Variants in CSMD2 observed in about 807,000 individuals in gnomAD.
CSMD2 encodes the protein CUB and Sushi multiple domains 2.
In CSMD2, 130 loss-of-function variants were observed where a neutral mutation model predicts 398.5. The ratio of observed to expected loss-of-function variants is 0.33; its 90% CI spans 0.28 to 0.38. The LOEUF is 0.38. CSMD2 is among the 10% of genes least tolerant of loss of function. The pLI is 1.00. For missense variants in CSMD2, 3,829 were observed against 4,764.9 expected (o/e 0.80, Z 5.78); for synonymous variants, 1,828 against 1,908.5 (o/e 0.96, Z 1.10).
rs57443543 is a variant in CSMD2 at position 33,800,006 on chromosome 1, G to A, written c.1447-7480C>T. Among the ~76,000 whole-genome samples, 273 of 152,350 alleles carry A rather than the reference G, an allele frequency of 1.8e-3. 1 individual carries two copies. The highest frequency in any genetic ancestry group is 6.0e-3 in the African/African-American group (248 of 41,588). ...AGAGTTCAGCATCTTGGCTTGGAAA[G>A]TGTGGGCTTTGCAAGGCCTGCCCCT... On this transcript the variant is annotated intron_variant, in intron 10 of 70. Transcript: ENST00000373381.
chr1:34,041,137 A>G (rs1651791597), intron 2 of CSMD2, among the ~76,000 whole-genome samples: 1 of 151,998 alleles, frequency 6.6e-6, no homozygotes, highest in Non-Finnish European at 1.5e-5. Flanking sequence ...AAATAAATAA[A>G]TGGGCCATTT....
chr1:34,031,469 T>C (rs1471108813), intron 3 of CSMD2, among the ~76,000 whole-genome samples: 1 of 152,138 alleles, frequency 6.6e-6, no homozygotes, highest in Admixed American at 6.5e-5. Context: ...AATAGAGTTA[T>C]GTCAGAAGCC....
chr1:34,001,560 G>A (rs1646903298), intron 3 of CSMD2, among the ~76,000 whole-genome samples: 1 of 152,172 alleles, frequency 6.6e-6, no homozygotes, highest in Non-Finnish European at 1.5e-5. Context: ...GACAACAGGT[G>A]GACATTCACG....
chr1:33,687,368 G>A (rs984511360), intron 25 of CSMD2, among the ~76,000 whole-genome samples: 10 of 152,276 alleles, frequency 6.6e-5, no homozygotes, highest in African/African-American at 2.2e-4. Context: ...CAGAAAATTA[G>A]TTTCCTTGAA....
At chr1:33,928,243 C>A (rs1350269825) in intron 4 of CSMD2, among the ~76,000 whole-genome samples, 1 of 152,184 alleles carries the variant, frequency 6.6e-6, no homozygotes, top group Non-Finnish European at 1.5e-5. Flanking sequence ...TGTGTAATCA[C>A]AGGTAAAGCA....
intron 5 of CSMD2, among the ~76,000 whole-genome samples, chr1:33,880,657 G>A (rs2125172176): frequency 6.6e-6 from 1 of 152,316 alleles, no homozygotes; most frequent in South Asian, 2.1e-4. Context: ...ATGAGTCCAA[G>A]AGAAACATTA....
Position 33,725,359 on chromosome 1 carries a change from G to C in CSMD2, c.2685C>G (p.Leu895=). The change falls in exon 17 of 71, where the codon CTC becomes CTG. Residue 895 remains leucine (L), a synonymous_variant. Transcript: ENST00000373381. ...CCCACTGAGACTCACTCTCATAGCG[G>C]AGCTGGAAGCCGATGTCCGAGTGAC... is the stretch of plus-strand genomic sequence containing the variant. ...DKSHSDIGFQ[L]RYETITLQSD... 6.2e-7 allele frequency: 1 copy of C among 1,613,924 alleles called. No homozygotes were observed. Among genetic ancestry groups the C allele is most frequent in the Non-Finnish European group, 8.5e-7 (1 of 1,179,854 alleles).
chr1:33,830,779 T>C (rs1423121779), intron 6 of CSMD2, among the ~76,000 whole-genome samples: 3 of 152,290 alleles, frequency 2.0e-5, no homozygotes, highest in Non-Finnish European at 2.9e-5. Context: ...TTTAGAAGAA[T>C]GTATAACTAG....
chr1:33,874,297 T>G (rs1348141408), intron 5 of CSMD2, among the ~76,000 whole-genome samples: 1 of 152,248 alleles, frequency 6.6e-6, no homozygotes, highest in East Asian at 1.9e-4. Flanking sequence ...GGGTACTGTT[T>G]GAAGCCATTT....
chr1:33,995,822 A>T (rs1646708903), intron 3 of CSMD2, among the ~76,000 whole-genome samples: 1 of 152,194 alleles, frequency 6.6e-6, no homozygotes, highest in African/African-American at 2.4e-5. Context: ...ATATTCAGTA[A>T]CCGGGAGCAG....
intron 13 of CSMD2, among the ~76,000 whole-genome samples, chr1:33,769,845 T>C (rs963938171): frequency 6.6e-6 from 1 of 152,194 alleles, no homozygotes; most frequent in Non-Finnish European, 1.5e-5. Context: ...AAGTATTGTA[T>C]TAATATTTAT....
chr1:33,969,244 A>G (rs1558177873), intron 3 of CSMD2, among the ~76,000 whole-genome samples: 1 of 152,240 alleles, frequency 6.6e-6, no homozygotes, highest in Non-Finnish European at 1.5e-5. Flanking sequence ...TGTGAAAGGA[A>G]CAATGTAAAA....
intron 3 of CSMD2, among the ~76,000 whole-genome samples, chr1:33,999,734 T>G (rs967796906): frequency 3.0e-4 from 46 of 152,186 alleles, no homozygotes; most frequent in African/African-American, 1.1e-3. Flanking sequence ...CTTGAACCTC[T>G]CTAAGGCTTT....
intron 25 of CSMD2, among the ~76,000 whole-genome samples, chr1:33,681,148 T>C (rs1037537296): frequency 6.6e-6 from 1 of 152,100 alleles, no homozygotes; most frequent in African/African-American, 2.4e-5. Context: ...GGTCTCGAAC[T>C]CCTGGCCTCA....
At chr1:33,815,998 C>A (rs908767178) in intron 9 of CSMD2, among the ~76,000 whole-genome samples, 9 of 152,128 alleles carry the variant, frequency 5.9e-5, no homozygotes, top group African/African-American at 2.2e-4. Context: ...ACCAAGAAGA[C>A]AGCCACCTGT....
Position 33,622,200 on chromosome 1 carries a change from C to G in CSMD2, c.5794G>C (p.Val1932Leu). The G allele has an allele frequency of 6.2e-7, 1 of 1,613,848 alleles. No homozygotes were observed. Among genetic ancestry groups the G allele is most frequent in the Non-Finnish European group, 8.5e-7 (1 of 1,179,780 alleles). ...TCCAAGTGGAAGCCAGCTGCAGATA[C>G]GCTGATATCTGAGTAGAAATGAAGG... Reference protein sequence around the residue: ...LYLHFYSDISVSAAGFHLEYK... With the variant: ...LYLHFYSDISLSAAGFHLEYK... The change falls in exon 37 of 71, where the codon GTA becomes CTA. Residue 1932 changes from valine (V) to leucine (L), a missense_variant. Transcript: ENST00000373381.
At chr1:33,606,532 T>C (rs1204375695) in intron 41 of CSMD2, among the ~76,000 whole-genome samples, 1 of 152,060 alleles carries the variant, frequency 6.6e-6, no homozygotes, top group Non-Finnish European at 1.5e-5. Flanking sequence ...AGCAACCACA[T>C]GGGTGGGGTG....
At chr1:33,622,099 C>A in intron 37 of CSMD2, 68 bp downstream of exon 37, 1 of 1,157,086 alleles carries the variant, frequency 8.6e-7, no homozygotes, top group South Asian at 1.2e-5. Context: ...AATCCTTGCT[C>A]AGAAGGGGCT....
intron 2 of CSMD2, among the ~76,000 whole-genome samples, chr1:34,051,704 C>T (rs1028417369): frequency 2.8e-4 from 42 of 152,068 alleles, no homozygotes; most frequent in African/African-American, 1.0e-3. Flanking sequence ...ATAGTCATGT[C>T]ATATTAGGCA....
Sources: gnomAD v4.1 joint callset for allele counts (sites outside exome capture counted in the v4.1 genomes callset) on GRCh38, gnomAD v4.1.1 for gene constraint, MANE v1.5 for transcripts, NCBI Gene and HGNC (gene_info 2026-07-23, HGNC 2026-07-21) for gene names.